The following ATP8A1 variants were observed in gnomAD, a reference collection of about 807,000 sequenced individuals.
ATP8A1 encodes phospholipid-transporting ATPase IA.
ATP8A1 carries 90 observed loss-of-function variants against 177.7 expected under a neutral mutation model. That is an observed-to-expected ratio of 0.51 (90% confidence interval 0.43 to 0.60). ATP8A1 has a LOEUF of 0.60. ATP8A1 is among the 20% of genes least tolerant of loss of function. The pLI is 0.00. For synonymous variants in ATP8A1, 493 were observed against 485.9 expected, an observed-to-expected ratio of 1.01 and a Z score of -0.19; for missense variants, 1,072 against 1,392.8, an observed-to-expected ratio of 0.77 and a Z score of 3.67.
Position 42,411,712 on chromosome 4 carries a change from T to C in ATP8A1, c.*1204A>G, listed in dbSNP as rs900511440. ...TCCTCTGACTGTAAAGTTACCGGCC[T>C]GAGTAAAATCCGCATTTTTTAAATG... is the stretch of plus-strand genomic sequence containing the variant. On this transcript the variant is annotated 3_prime_UTR_variant, in exon 37 of 37. Transcript: ENST00000381668. The C allele has an allele frequency of 2.0e-5, 3 of 152,190 alleles. No homozygotes were observed. The East Asian group carries it at 5.8e-4, about 29-fold the overall frequency. The allele number at this position is 152,190 out of a possible 1,614,324, so 9.4% of individuals were successfully genotyped here. A position where few individuals can be genotyped will look rare whatever the true frequency, so the allele number is the denominator to read the frequency against.
chr4:42,579,861 T>G lies in ATP8A1; in HGVS notation c.952A>C (p.Ile318Leu), dbSNP rs1457231452. The G allele has an allele frequency of 6.2e-7, 1 of 1,613,830 alleles. No individual in the cohort carries two copies. ...MSLVCSVGSAIWNRRHSGKDW... is the reference protein window; with the variant it reads ...MSLVCSVGSALWNRRHSGKDW... ...TTTCCAGAATGCCTTCGATTCCAAA[T>G]GGCTGAGCCCACAGAACAGACAAGA... is the stretch of plus-strand genomic sequence containing the variant. Residue 318 changes from isoleucine to leucine, a missense_variant, in exon 11 of 37, where the codon ATT (isoleucine) becomes CTT (leucine). Physicochemically the swap from Ile to Leu is conservative, Grantham distance 5. Around this residue, in one of 5 missense-constraint regions of ATP8A1, gnomAD observed 344 missense variants for 393.5 expected, o/e 0.87. Coordinates refer to ENST00000381668, the MANE Select transcript of ATP8A1 (RefSeq NM_006095.2).
chr4:42,474,084 T>C (rs1451192828), intron 25 of ATP8A1, among the ~76,000 whole-genome samples: 1 of 152,140 alleles, frequency 6.6e-6, no homozygotes, highest in Admixed American at 6.5e-5. Context: ...GTGGAACAAT[T>C]GGTCGCACAG....
In ATP8A1 at chr4:42,568,006, C is replaced by T. The variant is rs151099539; in HGVS notation, c.1340+1155G>A. On this transcript the variant is annotated intron_variant, in intron 15 of 36. Coordinates refer to ENST00000381668, the MANE Select transcript of ATP8A1 (RefSeq NM_006095.2). ...AATGTTATAGAAAAGCAGATATAGT[C>T]GAAATTTTAACTACTTCTCAAAGGA... 5.3e-3 allele frequency among the ~76,000 whole-genome samples: 808 copies of T among 152,042 alleles called. 5 individuals are homozygous for T. The highest frequency in any genetic ancestry group is 0.018 in the African/African-American group (747 of 41,460).
intron 6 of ATP8A1, among the ~76,000 whole-genome samples, chr4:42,593,764 T>C (rs767794234): frequency 2.0e-5 from 3 of 151,938 alleles, no homozygotes; most frequent in Admixed American, 2.0e-4. Context: ...ATGAGTAAAA[T>C]GAAAATTATT....
intron 27 of ATP8A1, among the ~76,000 whole-genome samples, chr4:42,459,775 T>G (rs1047456092): frequency 3.3e-5 from 5 of 150,878 alleles, no homozygotes; most frequent in African/African-American, 1.2e-4. Context: ...ACATATTAGG[T>G]TATTTTTTTA....
intron 17 of ATP8A1, 137 bp downstream of exon 17, chr4:42,552,368 C>A: frequency 4.5e-6 from 3 of 666,404 alleles, no homozygotes; most frequent in South Asian, 3.8e-5. Flanking sequence ...ACCTTGAAAG[C>A]CAAGGTTTTT....
At chr4:42,434,631 C>T (rs1198307341) in intron 33 of ATP8A1, among the ~76,000 whole-genome samples, 1 of 152,212 alleles carries the variant, frequency 6.6e-6, no homozygotes, top group Non-Finnish European at 1.5e-5. Context: ...CCTTTTCCTC[C>T]AGCTCAAAGG....
At position 42,548,998 on chromosome 4, in the gene ATP8A1, G is replaced by C; in HGVS notation, c.1652+15C>G. On this transcript the variant is annotated intron_variant, in intron 19 of 36. Transcript: ENST00000381668. ...ATTTATCTTATCCATACAAATCACT[G>C]AGCAGATGTTTTACCTGGTAAACTC... 1.9e-6 allele frequency: 3 copies of C among 1,594,918 alleles called. No homozygotes were observed. Among genetic ancestry groups the C allele is most frequent in the African/African-American group, 2.7e-5 (2 of 74,372 alleles).
chr4:42,646,785 T>C (rs889430867), intron 1 of ATP8A1, among the ~76,000 whole-genome samples: 6 of 152,210 alleles, frequency 3.9e-5, no homozygotes, highest in African/African-American at 1.4e-4. Flanking sequence ...CTTTTAAAGA[T>C]AATTCACATA....
intron 1 of ATP8A1, among the ~76,000 whole-genome samples, chr4:42,649,546 C>T (rs1175717042): frequency 2.0e-5 from 3 of 152,110 alleles, no homozygotes; most frequent in Admixed American, 2.0e-4. Context: ...GCAAGACTTT[C>T]TGAAGCATGA....
chr4:42,608,638 G>T (rs1160874462), intron 5 of ATP8A1, among the ~76,000 whole-genome samples: 1 of 152,116 alleles, frequency 6.6e-6, no homozygotes, highest in African/African-American at 2.4e-5. Context: ...GATTACAGGC[G>T]TCAGCCACCG....
chr4:42,633,552 GA>G (rs1738964459), intron 1 of ATP8A1, among the ~76,000 whole-genome samples: 1 of 152,148 alleles, frequency 6.6e-6, no homozygotes, highest in Admixed American at 6.5e-5. Flanking sequence ...AGAAGAAAAA[GA>G]TAATTACAGA....
intron 25 of ATP8A1, among the ~76,000 whole-genome samples, chr4:42,483,377 G>T: frequency 7.4e-6 from 1 of 134,406 alleles, no homozygotes; most frequent in South Asian, 2.4e-4. Flanking sequence ...TGTGACTTAA[G>T]AAAAAAAAAA....
intron 24 of ATP8A1, among the ~76,000 whole-genome samples, chr4:42,486,023 AAATTT>A (rs113938968): frequency 2.6e-5 from 4 of 152,152 alleles, no homozygotes; most frequent in African/African-American, 7.2e-5. Context: ...ACTTGAACAT[AAATTT>A]AATTTATTTA....
chr4:42,567,421 C>A (rs1336021478), intron 15 of ATP8A1, among the ~76,000 whole-genome samples: 2 of 152,038 alleles, frequency 1.3e-5, no homozygotes, highest in African/African-American at 4.8e-5. Context: ...TGCCTGTAGT[C>A]CCAGCTACTC....
chr4:42,611,897 A>T (rs1267905002), intron 5 of ATP8A1, among the ~76,000 whole-genome samples: 2 of 152,242 alleles, frequency 1.3e-5, no homozygotes, highest in African/African-American at 4.8e-5. Context: ...GTGTGTGTAG[A>T]CACATGGAGG....
At chr4:42,478,011 C>T (rs1387049865) in intron 25 of ATP8A1, among the ~76,000 whole-genome samples, 2 of 151,596 alleles carry the variant, frequency 1.3e-5, no homozygotes, top group Non-Finnish European at 2.9e-5. Context: ...AAAATAAATT[C>T]GTTCTACATA....
At chr4:42,537,145 A>C (rs1485475226) in intron 20 of ATP8A1, among the ~76,000 whole-genome samples, 3 of 146,074 alleles carry the variant, frequency 2.1e-5, no homozygotes, top group Admixed American at 6.9e-5. Flanking sequence ...AAAAAAAAAA[A>C]ACAAAAAAAC....
intron 33 of ATP8A1, among the ~76,000 whole-genome samples, chr4:42,424,709 C>T (rs1042476131): frequency 1.3e-5 from 2 of 152,126 alleles, no homozygotes; most frequent in Non-Finnish European, 2.9e-5. Context: ...ATTACTTATT[C>T]ATTTGGACTC....
Sources: allele counts gnomAD v4.1 joint callset (sites outside exome capture counted in the v4.1 genomes callset), GRCh38; gene constraint gnomAD v4.1.1; regional missense constraint gnomAD v4.1.1; transcripts MANE v1.5; gene names NCBI Gene and HGNC (gene_info 2026-07-23, HGNC 2026-07-21).